Variants in TTC27 observed in about 807,000 individuals in gnomAD.
TTC27 encodes tetratricopeptide repeat protein 27.
In TTC27, 79 loss-of-function variants were observed where a neutral mutation model predicts 115.9. The observed-to-expected ratio is 0.68, with a 90% CI of 0.57 to 0.82. The LOEUF (loss-of-function observed/expected upper bound fraction) is 0.82, where lower values mean the gene tolerates loss of function less well. Ranked by LOEUF, TTC27 falls within the 40% of genes least tolerant of loss-of-function variation. The pLI, the probability that TTC27 is intolerant of heterozygous loss-of-function variation, is 0.00. For missense variants in TTC27, 1,054 were observed against 993.1 expected (o/e 1.06, Z -0.82); for synonymous variants, 401 against 356.0 (o/e 1.13, Z -1.42).
chr2:32,707,513 G>A (rs1265976858), intron 10 of TTC27, among the ~76,000 whole-genome samples: 2 of 152,196 alleles, frequency 1.3e-5, no homozygotes, highest in East Asian at 3.9e-4. Flanking sequence ...GTAAATGAAC[G>A]AGAAACAGAA....
chr2:32,756,096 G>A (rs2839744), intron 12 of TTC27, among the ~76,000 whole-genome samples: 52,601 of 152,052 alleles, frequency 0.35, 9,811 homozygotes, highest in Non-Finnish European at 0.41. Context: ...GGAGTACATT[G>A]CCTGAAATCA....
intron 18 of TTC27, among the ~76,000 whole-genome samples, chr2:32,814,163 C>T (rs1381163908): frequency 3.3e-5 from 5 of 152,266 alleles, no homozygotes; most frequent in Admixed American, 1.3e-4. Context: ...GTCAAAGCCA[C>T]GCTATTTTCT....
rs748286005 is a variant in TTC27, at chr2:32,758,490, G to A, written c.1651G>A (p.Glu551Lys). The change falls in exon 13 of 20, where the codon GAA becomes AAA. Residue 551 changes from glutamate (E) to lysine (K), a missense_variant. Transcript: ENST00000317907. ...KEFQECVECF[E>K]RSVKINPMQL... ...GTTTCAAGAGTGTGTAGAGTGCTTC[G>A]AACGCTCGGTTAAGATTAATCCCAT... is the stretch of plus-strand genomic sequence containing the variant. 6.8e-6 allele frequency: 11 copies of A among 1,614,104 alleles called. No individual in the cohort carries two copies. The highest frequency in any genetic ancestry group is 3.3e-5 in the Admixed American group (2 of 60,022).
rs140516146 is a variant in TTC27, at chr2:32,628,156, T to C, written c.-137T>C. The C allele has an allele frequency of 9.4e-4, 734 of 780,718 alleles. 7 individuals carry two copies. The African/African-American group carries it at 0.012, about 13-fold the overall frequency. 48.4% of individuals were successfully genotyped at this position (780,718 alleles called of 1,614,324 possible). On this transcript the variant is annotated 5_prime_UTR_variant, in exon 1 of 20. It removes the in-frame stop codon of an upstream open reading frame in the 5' UTR. Transcript: ENST00000317907. ...GAGGTAGTATCCGCACATGGAATTC[T>C]AGGGCCGCAGGTGTATTTACGGTAA...
At chr2:32,650,697 G>A (rs560747287) in intron 5 of TTC27, among the ~76,000 whole-genome samples, 3 of 152,152 alleles carry the variant, frequency 2.0e-5, no homozygotes, top group Non-Finnish European at 2.9e-5. Context: ...ATCAAGAAAA[G>A]CGTAAGAAAA....
chr2:32,780,144 A>G (rs576837180), intron 14 of TTC27: 1 of 455,738 alleles, frequency 2.2e-6, no homozygotes, highest in East Asian at 7.0e-5. Flanking sequence ...TTCCTTTACA[A>G]GATAGTTTTG....
intron 1 of TTC27, 88 bp from the exon 2 acceptor site, chr2:32,630,435 A>G: frequency 9.4e-7 from 1 of 1,060,128 alleles, no homozygotes; most frequent in African/African-American, 1.6e-5. Context: ...TTTGCACACT[A>G]AAATGGTAGA....
chr2:32,718,691 A>G (rs1418191595), intron 10 of TTC27, among the ~76,000 whole-genome samples: 1 of 151,832 alleles, frequency 6.6e-6, no homozygotes, highest in Non-Finnish European at 1.5e-5. Context: ...TGTGGGTCTC[A>G]TTGTCTTAGA....
intron 10 of TTC27, among the ~76,000 whole-genome samples, chr2:32,709,703 A>G (rs1051101310): frequency 5.9e-5 from 9 of 152,080 alleles, no homozygotes; most frequent in Admixed American, 5.9e-4. Context: ...GCATGACCTC[A>G]GGCTAGGTGC....
Position 32,809,760 on chromosome 2 carries a change from C to A in TTC27, c.1999-1264C>A, listed in dbSNP as rs894158572. Among the ~76,000 whole-genome samples the A allele has an allele frequency of 3.3e-5, 5 of 152,276 alleles. No homozygotes were observed. In the South Asian group the frequency reaches 8.3e-4, roughly 25 times the overall value. ...AACCTGGTGCAGACTGCAGTTTAAT[C>A]CATCTGTCAGCATTCAAAGCATCTG... On this transcript the variant is annotated intron_variant, in intron 16 of 19. Coordinates refer to ENST00000317907, the MANE Select transcript of TTC27 (RefSeq NM_017735.5).
Position 32,633,886 on chromosome 2 carries a change from A to G in TTC27, c.277A>G (p.Ile93Val), listed in dbSNP as rs759133945. 5 of 1,613,680 alleles carry G rather than the reference A, an allele frequency of 3.1e-6. No individual in the cohort carries two copies. In the Admixed American group the frequency reaches 5.0e-5, roughly 16 times the overall value. ...CATTCTTATATGCAGACAACAGTTG[A>G]TATTTCTACTTGGTGTGAGCAGTTT... ...DLDTTERQQL[I>V]FLLGVSSLQL... The change falls in exon 3 of 20, where the codon ATA (isoleucine) becomes GTA (valine). Residue 93 changes from isoleucine (I) to valine (V), a missense_variant. By Grantham distance (29) the Ile-to-Val change is conservative. Transcript: ENST00000317907.
chr2:32,666,576 A>G (rs1665783511), intron 6 of TTC27, 59 bp from the exon 7 acceptor site: 2 of 1,565,662 alleles, frequency 1.3e-6, no homozygotes, highest in African/African-American at 1.4e-5. Context: ...ATTACTCTTC[A>G]TGACTGTACA....
At chr2:32,754,718 C>T (rs1469827906) in intron 12 of TTC27, among the ~76,000 whole-genome samples, 21 of 151,322 alleles carry the variant, frequency 1.4e-4, no homozygotes, top group Non-Finnish European at 2.8e-4. Context: ...CCAGTAGGGG[C>T]GGCCGGGCAG....
chr2:32,820,692 C>T, intron 19 of TTC27, 124 bp from the exon 20 acceptor site: 7 of 849,184 alleles, frequency 8.2e-6, no homozygotes, highest in Non-Finnish European at 1.1e-5. Flanking sequence ...AAAATGCTAC[C>T]ATTGCTATTA....
At chr2:32,798,566 G>A (rs1309824893) in intron 16 of TTC27, among the ~76,000 whole-genome samples, 4 of 150,206 alleles carry the variant, frequency 2.7e-5, no homozygotes, top group South Asian at 2.1e-4. Context: ...TTAGCCAGGC[G>A]TGGTGGTGGG....
chr2:32,672,858 G>A (rs138892585), intron 8 of TTC27, among the ~76,000 whole-genome samples: 1,810 of 152,258 alleles, frequency 0.012, 15 homozygotes, highest in Middle Eastern at 0.027. Flanking sequence ...CCAAGATGAT[G>A]CTGTATCATT....
At chr2:32,695,387 C>G in intron 9 of TTC27, among the ~76,000 whole-genome samples, 1 of 152,042 alleles carries the variant, frequency 6.6e-6, no homozygotes, top group Admixed American at 6.6e-5. Flanking sequence ...AGTTCAAAAC[C>G]AGCCTGGCCA....
rs1044747589 is a variant in TTC27, at chr2:32,817,533, A to G, written c.2385A>G (p.Leu795=). Residue 795 remains leucine (L), a synonymous_variant, in exon 19 of 20, where the codon TTA becomes TTG. Transcript: ENST00000317907. ...VQMLSSVRLN[L]RGLLSKAKQL... ...TGCTTTCTTCTGTTCGACTCAATTT[A>G]CGGGGCTTGTTATCTAAAGCAAAGG... 7 of 1,613,994 alleles carry G rather than the reference A, an allele frequency of 4.3e-6. No individual in the cohort carries two copies. The African/African-American group carries it at 9.3e-5, about 22-fold the overall frequency.
intron 16 of TTC27, 87 bp from the exon 17 acceptor site, chr2:32,810,937 T>G: frequency 7.1e-7 from 1 of 1,414,790 alleles, no homozygotes; most frequent in Non-Finnish European, 9.9e-7. Context: ...TTCATTGTCA[T>G]TGTCTTTGAT....
Sources: gnomAD v4.1 joint callset for allele counts (sites outside exome capture counted in the v4.1 genomes callset) on GRCh38, gnomAD v4.1.1 for gene constraint, MANE v1.5 for transcripts, NCBI Gene and HGNC (gene_info 2026-07-23, HGNC 2026-07-21) for gene names.